Variants in PKP2 observed in about 807,000 individuals in gnomAD.
The protein encoded by PKP2 is plakophilin 2, also known as plakophilin-2.
A neutral mutation model predicts 83.4 loss-of-function variants in PKP2; 73 were observed. The ratio of observed to expected loss-of-function variants is 0.88; its 90% CI spans 0.72 to 1.06. The LOEUF is 1.06. Ranked by LOEUF, PKP2 falls within the 50% of genes least tolerant of loss-of-function variation. The probability of loss-of-function intolerance (pLI) is 0.00; values close to 1 mark genes in which losing one functional copy is unlikely to be tolerated. For synonymous variants in PKP2, 409 were observed against 430.4 expected (o/e 0.95, Z 0.62); for missense variants, 966 against 1,065.4 (o/e 0.91, Z 1.30).
chr12:32,856,828 C>T (rs774367676), intron 4 of PKP2, among the ~76,000 whole-genome samples: 2 of 152,112 alleles, frequency 1.3e-5, no homozygotes, highest in East Asian at 1.9e-4. Context: ...ACCCTCCTAC[C>T]GTTCACTGAC....
At chr12:32,878,720 T>C (rs1483155702) in intron 2 of PKP2, among the ~76,000 whole-genome samples, 177 bp from the exon 3 acceptor site, 1 of 152,218 alleles carries the variant, frequency 6.6e-6, no homozygotes, top group South Asian at 2.1e-4. Flanking sequence ...ACTTGAGTCA[T>C]ATTTATTTGC....
At chr12:32,855,773 CAAA>C (rs11431590) in intron 4 of PKP2, among the ~76,000 whole-genome samples, 2,000 of 46,604 alleles carry the variant, frequency 0.043, 10 homozygotes, top group South Asian at 0.069. Context: ...GACTCCATCT[CAAA>C]AAAAAAAAAA....
intron 5 of PKP2, among the ~76,000 whole-genome samples, chr12:32,846,165 T>C (rs1956642872): frequency 1.3e-5 from 2 of 152,168 alleles, no homozygotes; most frequent in Non-Finnish European, 2.9e-5. Flanking sequence ...TGCACTCTTA[T>C]CATGACTTGT....
chr12:32,802,106 C>T (rs1223331279), intron 10 of PKP2, among the ~76,000 whole-genome samples: 1 of 151,940 alleles, frequency 6.6e-6, no homozygotes, highest in African/African-American at 2.4e-5. Flanking sequence ...GAGGGTGCCA[C>T]CCAGTGAAAA....
chr12:32,868,236 A>G (rs1472647293), intron 4 of PKP2, among the ~76,000 whole-genome samples: 1 of 152,080 alleles, frequency 6.6e-6, no homozygotes, highest in Non-Finnish European at 1.5e-5. Flanking sequence ...CTTCTTCAGG[A>G]TGAGTCTCGC....
chr12:32,857,994 G>A (rs1240836537), intron 4 of PKP2, among the ~76,000 whole-genome samples: 1 of 140,944 alleles, frequency 7.1e-6, no homozygotes, highest in African/African-American at 2.7e-5. Context: ...TTGAGAGGCT[G>A]AGGTGAGAAG....
At chr12:32,799,017 C>T (rs7960291) in intron 10 of PKP2, among the ~76,000 whole-genome samples, 29,443 of 152,010 alleles carry the variant, frequency 0.19, 3,498 homozygotes, top group East Asian at 0.56. Context: ...AAACTGCATT[C>T]GACAAAGGAC....
At chr12:32,849,500 T>C (rs1956678066) in intron 5 of PKP2, among the ~76,000 whole-genome samples, 1 of 152,224 alleles carries the variant, frequency 6.6e-6, no homozygotes, top group Non-Finnish European at 1.5e-5. Context: ...ATTACAGGCA[T>C]GAGCTACTGC....
intron 9 of PKP2, among the ~76,000 whole-genome samples, chr12:32,819,292 ACAAT>A (rs1306796071): frequency 1.7e-3 from 24 of 14,348 alleles, no homozygotes; most frequent in African/African-American, 4.0e-3. Flanking sequence ...TAAATACAAT[ACAAT>A]ACAATACAAT....
chr12:32,868,530 CT>C lies in PKP2; in HGVS notation c.1170+396del, dbSNP rs574963880. ...CTGCACCCGGTTGATTTTTTCTTTT[CT>C]TTTTTTTCTGAGATGGAGTCTTGTT... On this transcript the variant is annotated intron_variant, in intron 4 of 12. Coordinates refer to ENST00000340811, the MANE Select transcript of PKP2 (RefSeq NM_001005242.3). Among the ~76,000 whole-genome samples, 556 of 147,968 alleles carry C rather than the reference CT, an allele frequency of 3.8e-3. 5 individuals are homozygous for C. The highest frequency in any genetic ancestry group is 0.013 in the African/African-American group (533 of 40,064).
At chr12:32,841,490 T>C (rs1373092170) in intron 5 of PKP2, among the ~76,000 whole-genome samples, 4 of 152,212 alleles carry the variant, frequency 2.6e-5, no homozygotes, top group Non-Finnish European at 4.4e-5. Context: ...TAAGCATTTA[T>C]TGCTGTTTCT....
At chr12:32,848,667 A>G (rs1388011274) in intron 5 of PKP2, among the ~76,000 whole-genome samples, 1 of 152,060 alleles carries the variant, frequency 6.6e-6, no homozygotes, top group Non-Finnish European at 1.5e-5. Flanking sequence ...GACGGGGGCA[A>G]GGGTTGAAAA....
intron 5 of PKP2, among the ~76,000 whole-genome samples, chr12:32,844,401 C>A (rs1158572566): frequency 6.6e-6 from 1 of 151,940 alleles, no homozygotes; most frequent in Non-Finnish European, 1.5e-5. Flanking sequence ...CACTAAAAAG[C>A]GAAACACCAG....
intron 5 of PKP2, among the ~76,000 whole-genome samples, chr12:32,845,332 A>T (rs1489569776): frequency 6.6e-6 from 1 of 152,168 alleles, no homozygotes; most frequent in Non-Finnish European, 1.5e-5. Flanking sequence ...GGGGCGGATC[A>T]CGAGGTCAGG....
chr12:32,797,558 A>ATTTTTTTTTTT, intron 10 of PKP2, among the ~76,000 whole-genome samples: 1 of 131,000 alleles, frequency 7.6e-6, no homozygotes, highest in Non-Finnish European at 1.6e-5. Context: ...GTGAACTAAA[A>ATTTTTTTTTTT]TCTTTTTTTT....
At chr12:32,871,459 C>T (rs1020458546) in intron 3 of PKP2, among the ~76,000 whole-genome samples, 2 of 151,778 alleles carry the variant, frequency 1.3e-5, no homozygotes, top group Non-Finnish European at 2.9e-5. Context: ...CCATACCCGG[C>T]TAATTTTTTT....
intron 9 of PKP2, chr12:32,821,093 A>C (rs1956370971): frequency 9.0e-6 from 4 of 445,566 alleles, no homozygotes; most frequent in Non-Finnish European, 1.7e-5. Context: ...CATAAGCCAA[A>C]AATTTCCTCT....
chr12:32,792,370 A>G lies in PKP2; in HGVS notation c.*54T>C. On this transcript the variant is annotated 3_prime_UTR_variant, in exon 13 of 13. Coordinates refer to ENST00000340811, the MANE Select transcript of PKP2 (RefSeq NM_001005242.3). ...GGTTTCTTGGGCTGGGTAGTAGAAA[A>G]ATAGGTGTTTTCCTTTGGGGATTTT... The G allele has an allele frequency of 3.1e-6, 4 of 1,309,314 alleles. No homozygotes were observed. The highest frequency in any genetic ancestry group is 4.4e-6 in the Non-Finnish European group (4 of 902,018). 81.1% of individuals were successfully genotyped at this position (1,309,314 alleles called of 1,614,324 possible). A position where few individuals can be genotyped will look rare whatever the true frequency, so the allele number is the denominator to read the frequency against.
At chr12:32,892,055 C>A (rs1957078684) in intron 1 of PKP2, among the ~76,000 whole-genome samples, 1 of 152,094 alleles carries the variant, frequency 6.6e-6, no homozygotes, top group Admixed American at 6.6e-5. Context: ...GTGCTACTGA[C>A]ACCTCACATT....
Sources: allele counts gnomAD v4.1 joint callset (sites outside exome capture counted in the v4.1 genomes callset), GRCh38; gene constraint gnomAD v4.1.1; transcripts MANE v1.5; gene names NCBI Gene and HGNC (gene_info 2026-07-23, HGNC 2026-07-21).